The following NCALD variants were observed in gnomAD, a reference collection of about 807,000 sequenced individuals.
NCALD encodes the protein neurocalcin delta, also known as neurocalcin-delta.
NCALD carries 10 observed loss-of-function variants against 18.6 expected under a neutral mutation model. The ratio of observed to expected loss-of-function variants is 0.54; its 90% CI spans 0.33 to 0.91. NCALD has a LOEUF of 0.91. NCALD is among the 40% of genes least tolerant of loss of function. NCALD has a pLI of 0.03. For missense variants in NCALD, 184 were observed against 247.6 expected (o/e 0.74, Z 1.72); for synonymous variants, 88 against 87.4 (o/e 1.01, Z -0.04).
intron 4 of NCALD, among the ~76,000 whole-genome samples, chr8:101,869,239 G>A (rs1815904532): frequency 6.6e-6 from 1 of 152,230 alleles, no homozygotes; most frequent in Non-Finnish European, 1.5e-5. Flanking sequence ...TATCCTGGAT[G>A]ATCTGGACAG....
At position 101,722,052 on chromosome 8, in the gene NCALD, A is replaced by G. The variant is rs776085256; in HGVS notation, c.-19-2404T>C. Among the ~76,000 whole-genome samples, 17 of 152,248 alleles carry G rather than the reference A, an allele frequency of 1.1e-4. 1 individual carries two copies. The highest frequency in any genetic ancestry group is 3.4e-3 in the Middle Eastern group (1 of 294). ...AGATGGGGGTCTCACTTTGTTGCCT[A>G]GCCTGGTCTCAGACTCCTGGGCTCA... On this transcript the variant is annotated intron_variant, in intron 1 of 3. Transcript: ENST00000220931.
At chr8:102,002,926 G>A (rs187875170) in intron 2 of NCALD, among the ~76,000 whole-genome samples, 5 of 152,114 alleles carry the variant, frequency 3.3e-5, no homozygotes, top group African/African-American at 9.6e-5. Context: ...GAGAAAGCAG[G>A]AAAGATCTAA....
At chr8:102,053,137 T>C (rs1407700941) in intron 1 of NCALD, among the ~76,000 whole-genome samples, 1 of 152,170 alleles carries the variant, frequency 6.6e-6, no homozygotes, top group Non-Finnish European at 1.5e-5. Flanking sequence ...TAAAGAGCAA[T>C]ATGCCCAGAA....
chr8:101,920,531 A>C (rs1818124208), intron 2 of NCALD, among the ~76,000 whole-genome samples: 1 of 152,210 alleles, frequency 6.6e-6, no homozygotes, highest in Non-Finnish European at 1.5e-5. Context: ...TATATACCAT[A>C]GAATACTATG....
At chr8:101,956,743 T>C (rs567292800) in intron 2 of NCALD, among the ~76,000 whole-genome samples, 2 of 152,052 alleles carry the variant, frequency 1.3e-5, no homozygotes, top group South Asian at 4.2e-4. Context: ...CTACATAACC[T>C]CACAAAACTG....
intron 1 of NCALD, among the ~76,000 whole-genome samples, chr8:102,055,492 C>T (rs1823620643): frequency 1.3e-5 from 2 of 152,178 alleles, no homozygotes; most frequent in Admixed American, 1.3e-4. Flanking sequence ...TAAAACTATA[C>T]ATTTCACTGT....
chr8:102,098,492 G>T (rs1269727), intron 1 of NCALD, among the ~76,000 whole-genome samples: 83,754 of 151,924 alleles, frequency 0.55, 23,999 homozygotes, highest in Non-Finnish European at 0.64. Flanking sequence ...CTGGGGGGCT[G>T]CATCATCCCT....
chr8:102,124,496 G>GGCCC (rs1826050327), upstream of NCALD: 3 of 76,072 alleles, frequency 3.9e-5, no homozygotes, highest in East Asian at 3.7e-4. Flanking sequence ...TGCAGTGGAC[G>GGCCC]CCCCCCCCCT....
At chr8:101,888,161 A>G (rs556730916) in intron 3 of NCALD, among the ~76,000 whole-genome samples, 2 of 152,286 alleles carry the variant, frequency 1.3e-5, no homozygotes, top group East Asian at 1.9e-4. Context: ...AGTAGGGTCA[A>G]TCCAAACAAA....
At chr8:102,069,087 T>C (rs1415525499) in intron 1 of NCALD, among the ~76,000 whole-genome samples, 1 of 152,112 alleles carries the variant, frequency 6.6e-6, no homozygotes, top group Non-Finnish European at 1.5e-5. Flanking sequence ...AAGTTTCAGT[T>C]AGAGAGAAGG....
intron 2 of NCALD, among the ~76,000 whole-genome samples, chr8:101,705,434 G>A (rs1340121273): frequency 2.0e-5 from 3 of 152,020 alleles, no homozygotes; most frequent in African/African-American, 7.3e-5. Context: ...GAAACATGTT[G>A]TGAAGATCGT....
chr8:101,751,669 C>T (rs1810666058), intron 1 of NCALD, among the ~76,000 whole-genome samples: 1 of 152,124 alleles, frequency 6.6e-6, no homozygotes, highest in Non-Finnish European at 1.5e-5. Flanking sequence ...TCCTCAGTGA[C>T]TGAGAAAAGA....
chr8:102,120,599 T>A (rs1262068080), intron 1 of NCALD, among the ~76,000 whole-genome samples: 1 of 152,162 alleles, frequency 6.6e-6, no homozygotes, highest in African/African-American at 2.4e-5. Flanking sequence ...CCGCTAACAA[T>A]GTTTGAGGCC....
intron 2 of NCALD, among the ~76,000 whole-genome samples, chr8:101,947,404 G>A (rs981486547): frequency 6.6e-6 from 1 of 152,036 alleles, no homozygotes; most frequent in Non-Finnish European, 1.5e-5. Flanking sequence ...ATCAAATAAG[G>A]GCAATTTTGT....
intron 4 of NCALD, among the ~76,000 whole-genome samples, chr8:101,877,378 A>G (rs1291028622): frequency 1.3e-5 from 2 of 152,104 alleles, no homozygotes; most frequent in Admixed American, 6.5e-5. Flanking sequence ...CTGACTACCC[A>G]GAATTCCCAA....
intron 4 of NCALD, among the ~76,000 whole-genome samples, chr8:101,879,054 G>A (rs1175624876): frequency 1.3e-5 from 2 of 152,282 alleles, no homozygotes; most frequent in South Asian, 2.1e-4. Flanking sequence ...TACAGGAGCT[G>A]GACATTGCCA....
At chr8:101,821,204 C>T (rs1344534851) in intron 4 of NCALD, among the ~76,000 whole-genome samples, 1 of 152,150 alleles carries the variant, frequency 6.6e-6, no homozygotes, top group East Asian at 1.9e-4. Context: ...CTCTTATTTA[C>T]AAATATTTTC....
intron 1 of NCALD, among the ~76,000 whole-genome samples, chr8:101,769,493 G>A (rs6988793): frequency 0.65 from 98,498 of 151,998 alleles, 33,820 homozygotes; most frequent in Non-Finnish European, 0.76. Context: ...ATTCCTTTCC[G>A]TTGGAAAATA....
At chr8:101,984,103 C>T (rs1170425703) in intron 2 of NCALD, among the ~76,000 whole-genome samples, 1 of 152,212 alleles carries the variant, frequency 6.6e-6, no homozygotes, top group Non-Finnish European at 1.5e-5. Context: ...TTCCACAAAC[C>T]ATGAGCACCT....
Sources: allele counts gnomAD v4.1 joint callset (sites outside exome capture counted in the v4.1 genomes callset), GRCh38; gene constraint gnomAD v4.1.1; transcripts MANE v1.5; gene names NCBI Gene and HGNC (gene_info 2026-07-23, HGNC 2026-07-21).